The following ITGA8 variants were observed in gnomAD, a reference collection of about 807,000 sequenced individuals.
ITGA8 encodes integrin subunit alpha 8.
A neutral mutation model predicts 142.3 loss-of-function variants in ITGA8; 91 were observed. That is an observed-to-expected ratio of 0.64 (90% confidence interval 0.54 to 0.76). The LOEUF is 0.76. ITGA8 is among the 30% of genes least tolerant of loss of function. The pLI is 0.00. For missense variants in ITGA8, 1,406 were observed against 1,327.7 expected (o/e 1.06, Z -0.92); for synonymous variants, 505 against 485.2 (o/e 1.04, Z -0.54).
chr10:15,690,252 G>C (rs932248676), intron 2 of ITGA8, among the ~76,000 whole-genome samples: 11 of 152,126 alleles, frequency 7.2e-5, no homozygotes, highest in Non-Finnish European at 1.6e-4. Context: ...GCACTCCAGG[G>C]TTCAAAGTCA....
intron 26 of ITGA8, among the ~76,000 whole-genome samples, chr10:15,557,870 A>G (rs1833912093): frequency 6.6e-6 from 1 of 152,248 alleles, no homozygotes. Flanking sequence ...AGCTTTAGAA[A>G]AGTGAAAAGG....
chr10:15,634,924 T>C (rs1031526309), intron 13 of ITGA8, among the ~76,000 whole-genome samples: 3 of 152,002 alleles, frequency 2.0e-5, no homozygotes, highest in African/African-American at 7.3e-5. Flanking sequence ...TTTTTGCAAC[T>C]TTTCTGTGAG....
intron 2 of ITGA8, among the ~76,000 whole-genome samples, chr10:15,704,695 C>G (rs1234405787): frequency 6.6e-6 from 1 of 152,098 alleles, no homozygotes; most frequent in Non-Finnish European, 1.5e-5. Context: ...TGTTTAGTAC[C>G]CAATCATTTA....
intron 15 of ITGA8, among the ~76,000 whole-genome samples, chr10:15,611,723 C>T (rs901972054): frequency 1.3e-5 from 2 of 151,934 alleles, no homozygotes; most frequent in Admixed American, 6.5e-5. Flanking sequence ...TCGTGATCTG[C>T]CCGCCTTGGC....
chr10:15,647,905 A>G (rs1356843773), intron 11 of ITGA8, among the ~76,000 whole-genome samples: 1 of 152,252 alleles, frequency 6.6e-6, no homozygotes, highest in African/African-American at 2.4e-5. Context: ...CAGCCCAAAT[A>G]AAAATTTGAA....
chr10:15,639,347 A>G (rs1452101699), intron 13 of ITGA8, among the ~76,000 whole-genome samples: 1 of 152,130 alleles, frequency 6.6e-6, no homozygotes, highest in East Asian at 1.9e-4. Context: ...GTGAGCCGCC[A>G]AGAATCTAGG....
At chr10:15,645,369 G>T (rs1588695594) in intron 12 of ITGA8, among the ~76,000 whole-genome samples, 1 of 152,054 alleles carries the variant, frequency 6.6e-6, no homozygotes, top group South Asian at 2.1e-4. Context: ...TACTATTAAA[G>T]GTTTGAGAGA....
intron 23 of ITGA8, among the ~76,000 whole-genome samples, chr10:15,579,825 G>C (rs1834370405): frequency 6.6e-6 from 1 of 151,778 alleles, no homozygotes; most frequent in Non-Finnish European, 1.5e-5. Flanking sequence ...AAAATATTTT[G>C]AGCTGAGTTA....
chr10:15,690,442 A>G (rs1244960220), intron 2 of ITGA8, among the ~76,000 whole-genome samples: 1 of 152,114 alleles, frequency 6.6e-6, no homozygotes, highest in Non-Finnish European at 1.5e-5. Flanking sequence ...GGCCTCGGCT[A>G]CAGGTGAGTG....
At chr10:15,609,354 T>A (rs1833251756) in intron 15 of ITGA8, among the ~76,000 whole-genome samples, 1 of 152,204 alleles carries the variant, frequency 6.6e-6, no homozygotes, top group South Asian at 2.1e-4. Context: ...TAGTATGATG[T>A]GGATATTTCT....
At chr10:15,655,115 C>T (rs1005221931) in intron 11 of ITGA8, among the ~76,000 whole-genome samples, 12 of 151,992 alleles carry the variant, frequency 7.9e-5, no homozygotes, top group East Asian at 1.9e-4. Context: ...AAAAATAAAA[C>T]GAAATAAAAT....
At chr10:15,617,918 G>A (rs1833423874) in intron 13 of ITGA8, among the ~76,000 whole-genome samples, 1 of 152,216 alleles carries the variant, frequency 6.6e-6, no homozygotes, top group African/African-American at 2.4e-5. Flanking sequence ...ATGAAATCAT[G>A]TCTTTTGCAG....
intron 26 of ITGA8, among the ~76,000 whole-genome samples, chr10:15,555,746 A>G (rs1833875019): frequency 6.6e-6 from 1 of 151,170 alleles, no homozygotes; most frequent in African/African-American, 2.4e-5. Flanking sequence ...CCCAGGCTGG[A>G]GTGCAGTGGC....
intron 12 of ITGA8, among the ~76,000 whole-genome samples, chr10:15,645,848 G>A (rs978854656): frequency 6.6e-6 from 1 of 152,118 alleles, no homozygotes; most frequent in Non-Finnish European, 1.5e-5. Flanking sequence ...TTTTTCTGAG[G>A]AGAGGGTACT....
chr10:15,707,997 C>CACACACACA (rs61157364), intron 2 of ITGA8, among the ~76,000 whole-genome samples: 5 of 147,778 alleles, frequency 3.4e-5, no homozygotes, highest in Non-Finnish European at 6.0e-5. Flanking sequence ...CACACACACA[C>CACACACACA]CATTCTCTGT....
At chr10:15,640,991 G>T (rs77316983) in intron 13 of ITGA8, among the ~76,000 whole-genome samples, 1 of 152,102 alleles carries the variant, frequency 6.6e-6, no homozygotes, top group African/African-American at 2.4e-5. Flanking sequence ...CTTCCCAGTC[G>T]CTGGACAACA....
rs752111994 is a variant in ITGA8 at position 15,532,429 on chromosome 10, A to AGAAAAAAAAAAG, written c.2881-1279_2881-1278insCTTTTTTTTTTC. On this transcript the variant is annotated intron_variant, in intron 27 of 29. Transcript: ENST00000378076. Reference sequence around the variant, plus strand: ...GTGAGACTCCCTCTCAAAAAAAAAAAAAAAAAAAAAAAAAAAAGCCTCTAG... The same window carrying AGAAAAAAAAAAG: ...GTGAGACTCCCTCTCAAAAAAAAAAAGAAAAAAAAAAGAAAAAAAAAAAAAAAAAGCCTCTAG... 3.5e-3 allele frequency among the ~76,000 whole-genome samples: 499 copies of AGAAAAAAAAAAG among 142,442 alleles called. 8 individuals carry two copies. The highest frequency in any genetic ancestry group is 5.6e-3 in the South Asian group (25 of 4,442). The allele number at this position is 142,442 out of a possible 152,430, so 93.4% of individuals were successfully genotyped here.
At position 15,713,727 on chromosome 10, in the gene ITGA8, C is replaced by T. The variant is rs895053045; in HGVS notation, c.343+5039G>A. On this transcript the variant is annotated intron_variant, in intron 2 of 29. Coordinates refer to ENST00000378076, the MANE Select transcript of ITGA8 (RefSeq NM_003638.3). Reference sequence around the variant, plus strand: ...TAAGCTGCTTCTCATTGTGGGATCACTCAACACAAAATAAAACAGACCCCC... The same window carrying T: ...TAAGCTGCTTCTCATTGTGGGATCATTCAACACAAAATAAAACAGACCCCC... Among the ~76,000 whole-genome samples, 7 of 152,238 alleles carry T rather than the reference C, an allele frequency of 4.6e-5. No homozygotes were observed. The East Asian group carries it at 1.4e-3, about 29-fold the overall frequency.
chr10:15,654,743 A>T (rs1025327873), intron 11 of ITGA8, among the ~76,000 whole-genome samples: 18 of 152,224 alleles, frequency 1.2e-4, no homozygotes, highest in African/African-American at 4.3e-4. Context: ...TTTTGGGTGG[A>T]TAATTGATAC....
Sources: allele counts gnomAD v4.1 joint callset (sites outside exome capture counted in the v4.1 genomes callset), GRCh38; gene constraint gnomAD v4.1.1; transcripts MANE v1.5; gene names NCBI Gene and HGNC (gene_info 2026-07-23, HGNC 2026-07-21).